Variants in GRAP2 observed in about 807,000 individuals in gnomAD.
GRAP2 encodes the protein GRB2 related adaptor protein 2.
A neutral mutation model predicts 43.5 loss-of-function variants in GRAP2; 31 were observed. That is an observed-to-expected ratio of 0.71 (90% CI 0.54 to 0.96). The LOEUF (loss-of-function observed/expected upper bound fraction) is 0.96. Among genes scored for constraint, GRAP2 ranks in the 40% least tolerant of loss-of-function variants. The pLI is 0.00. For synonymous variants in GRAP2, 156 were observed against 164.8 expected (o/e 0.95, Z 0.41); for missense variants, 371 against 424.4 (o/e 0.87, Z 1.11).
At chr22:39,909,230 A>G (rs1207111337) in intron 1 of GRAP2, among the ~76,000 whole-genome samples, 1 of 152,228 alleles carries the variant, frequency 6.6e-6, no homozygotes, top group African/African-American at 2.4e-5. Context: ...GACACTTGGT[A>G]CCCTGTAAGT....
At chr22:39,970,399 G>C (rs927498588) in intron 7 of GRAP2, among the ~76,000 whole-genome samples, 1 of 152,136 alleles carries the variant, frequency 6.6e-6, no homozygotes, top group Admixed American at 6.5e-5. Context: ...ATCTTGACTT[G>C]TGACTTGATT....
intron 7 of GRAP2, 32 bp downstream of exon 7, chr22:39,969,565 G>T: frequency 1.2e-6 from 2 of 1,611,658 alleles, no homozygotes; most frequent in Non-Finnish European, 1.7e-6. Context: ...GGGATCCCTG[G>T]GGAAAGGCCT....
upstream of GRAP2, among the ~76,000 whole-genome samples, chr22:39,898,702 A>T (rs565142782): frequency 9.9e-5 from 15 of 152,230 alleles, no homozygotes; most frequent in African/African-American, 3.6e-4. Flanking sequence ...AATCCCAGCT[A>T]CTCGGGAGGC....
chr22:39,940,608 G>A (rs917240540), intron 1 of GRAP2, among the ~76,000 whole-genome samples: 1 of 152,014 alleles, frequency 6.6e-6, no homozygotes, highest in Non-Finnish European at 1.5e-5. Flanking sequence ...CCCAAACACA[G>A]ATGTAAGATG....
Position 39,968,038 on chromosome 22 carries a change from C to T in GRAP2, c.460-4C>T. The T allele has an allele frequency of 6.2e-7, 1 of 1,611,842 alleles. No individual in the cohort carries two copies. On this transcript the variant is annotated splice_region_variant and splice_polypyrimidine_tract_variant and intron_variant, in intron 5 of 7. Coordinates refer to ENST00000344138, the MANE Select transcript of GRAP2 (RefSeq NM_004810.4). Reference sequence around the variant, plus strand: ...ATCTGCAGCATCTCTGTTCTTTCTCCCAGGGTCACCGGGGCAACAGCCTGG... The same window carrying T: ...ATCTGCAGCATCTCTGTTCTTTCTCTCAGGGTCACCGGGGCAACAGCCTGG...
At chr22:39,952,640 A>T (rs905321936) in intron 2 of GRAP2, among the ~76,000 whole-genome samples, 1 of 152,072 alleles carries the variant, frequency 6.6e-6, no homozygotes, top group Non-Finnish European at 1.5e-5. Context: ...AGAAACTATA[A>T]AGTTTTCTGT....
At chr22:39,895,768 G>A in the GRAP2 span, among the ~76,000 whole-genome samples, 128 of 152,292 alleles carry the variant, frequency 8.4e-4, 1 homozygote, top group African/African-American at 2.9e-3. Context: ...TCTAATAGAG[G>A]AAACAGGAAT....
intron 1 of GRAP2, among the ~76,000 whole-genome samples, chr22:39,937,941 G>A (rs2066822880): frequency 6.6e-6 from 1 of 152,030 alleles, no homozygotes; most frequent in African/African-American, 2.4e-5. Context: ...CTTACAAAAA[G>A]TTTGAGGACA....
rs755717851 is a variant in GRAP2 at position 39,966,166 on chromosome 22, C to T, written c.459+8C>T. On this transcript the variant is annotated splice_region_variant and intron_variant, in intron 5 of 7. Transcript: ENST00000344138. ...AGAACCCGAGAAGACCAGGTATGCT[C>T]CAGATCCAGTCGACCCCAATCTAGA... 3 of 1,611,146 alleles carry T rather than the reference C, an allele frequency of 1.9e-6. No homozygotes were observed. Among genetic ancestry groups the T allele is most frequent in the Non-Finnish European group, 8.5e-7 (1 of 1,177,692 alleles).
chr22:39,944,086 G>T (rs72619519), intron 1 of GRAP2, among the ~76,000 whole-genome samples: 25,594 of 152,012 alleles, frequency 0.17, 3,047 homozygotes, highest in East Asian at 0.58. Flanking sequence ...TTGAATTCAG[G>T]CTGTTGCACT....
At chr22:39,953,899 C>T (rs917982825) in intron 2 of GRAP2, among the ~76,000 whole-genome samples, 1 of 152,232 alleles carries the variant, frequency 6.6e-6, no homozygotes, top group African/African-American at 2.4e-5. Flanking sequence ...AGGCATGAGC[C>T]ATCGCACCCA....
At chr22:39,920,122 T>A (rs182119441) in intron 1 of GRAP2, among the ~76,000 whole-genome samples, 1 of 152,278 alleles carries the variant, frequency 6.6e-6, no homozygotes, top group East Asian at 1.9e-4. Context: ...ATAGTAAATA[T>A]CCACCCAGGC....
At chr22:39,895,252 A>C in the GRAP2 span, among the ~76,000 whole-genome samples, 1 of 152,196 alleles carries the variant, frequency 6.6e-6, no homozygotes, top group South Asian at 2.1e-4. Flanking sequence ...CAAAACACTT[A>C]GTAGACAAAA....
At chr22:39,964,101 T>C (rs1019775363) in intron 4 of GRAP2, 1 of 359,270 alleles carries the variant, frequency 2.8e-6, no homozygotes, top group Non-Finnish European at 5.0e-6. Flanking sequence ...CATCAGGCAA[T>C]TGGCATCACT....
At position 39,971,905 on chromosome 22, in the gene GRAP2, G is replaced by A. The variant is rs1403870131; in HGVS notation, c.*821G>A. The A allele has an allele frequency of 1.3e-5, 2 of 152,242 alleles. No homozygotes were observed. The highest frequency in any genetic ancestry group is 2.9e-5 in the Non-Finnish European group (2 of 68,036). 9.4% of individuals were successfully genotyped at this position (152,242 alleles called of 1,614,324 possible). A position where few individuals can be genotyped will look rare whatever the true frequency, so the allele number is the denominator to read the frequency against. On this transcript the variant is annotated 3_prime_UTR_variant, in exon 8 of 8. Transcript: ENST00000344138. ...AAGTGCTTGAAGAAGCTCTAGCTGA[G>A]AATGCTGAATTTTACAGTCATTGTT... is the stretch of plus-strand genomic sequence containing the variant.
upstream of GRAP2, among the ~76,000 whole-genome samples, chr22:39,900,522 G>A (rs752420420): frequency 2.1e-4 from 32 of 152,134 alleles, no homozygotes; most frequent in Non-Finnish European, 4.6e-4. Context: ...GAAGTTGAAG[G>A]TAACAAAACT....
Position 39,968,482 on chromosome 22 carries a change from GTC to G in GRAP2, c.690+213_690+214del, listed in dbSNP as rs1326777920. On this transcript the variant is annotated intron_variant, in intron 6 of 7. Transcript: ENST00000344138. ...GAACACACACACACACACACACACT[GTC>G]TCACACACACACACACACTTAAACT... is the stretch of plus-strand genomic sequence containing the variant. 10 of 556,320 alleles carry G rather than the reference GTC, an allele frequency of 1.8e-5. No individual in the cohort carries two copies. The East Asian group carries it at 2.6e-4, about 15-fold the overall frequency. 34.5% of individuals were successfully genotyped at this position (556,320 alleles called of 1,614,324 possible).
At chr22:39,964,752 A>G in intron 4 of GRAP2, 1 of 484,578 alleles carries the variant, frequency 2.1e-6, no homozygotes, top group Non-Finnish European at 3.6e-6. Flanking sequence ...GTGGCTCATC[A>G]TCTCTTTAGT....
intron 2 of GRAP2, among the ~76,000 whole-genome samples, chr22:39,952,019 G>T (rs867900252): frequency 2.2e-4 from 31 of 138,254 alleles, no homozygotes; most frequent in Admixed American, 6.5e-4. Context: ...AAAGTGTGTG[G>T]TTTTTTTTTT....
Sources: allele counts gnomAD v4.1 joint callset (sites outside exome capture counted in the v4.1 genomes callset), GRCh38; gene constraint gnomAD v4.1.1; transcripts MANE v1.5; gene names NCBI Gene and HGNC (gene_info 2026-07-23, HGNC 2026-07-21).